The following PPP6R3 variants were observed in gnomAD, a reference collection of about 807,000 sequenced individuals.
PPP6R3 encodes protein phosphatase 6 regulatory subunit 3.
Under a neutral mutation model 110.7 loss-of-function variants are expected in PPP6R3, and 38 were observed. The ratio of observed to expected loss-of-function variants is 0.34; its 90% CI spans 0.26 to 0.45. The LOEUF is 0.45. PPP6R3 is among the 20% of genes least tolerant of loss of function. PPP6R3 has a pLI of 1.00. For synonymous variants in PPP6R3, 369 were observed against 373.5 expected (o/e 0.99, Z 0.14); for missense variants, 870 against 1,062.4 (o/e 0.82, Z 2.52).
intron 2 of PPP6R3, among the ~76,000 whole-genome samples, chr11:68,524,353 C>A (rs931596028): frequency 6.6e-6 from 1 of 152,112 alleles, no homozygotes; most frequent in African/African-American, 2.4e-5. Flanking sequence ...TTCTGCTGTC[C>A]TGGCCATCTC....
chr11:68,580,639 CA>C (rs1392309189), intron 14 of PPP6R3, among the ~76,000 whole-genome samples: 1 of 150,358 alleles, frequency 6.7e-6, no homozygotes, highest in Non-Finnish European at 1.5e-5. Context: ...GAAGATGCCT[CA>C]AAAGGAGTGT....
At chr11:68,571,189 A>G in intron 12 of PPP6R3, 85 bp downstream of exon 12, 1 of 1,473,610 alleles carries the variant, frequency 6.8e-7, no homozygotes, top group Admixed American at 2.8e-5. Flanking sequence ...TCAGAAAAAA[A>G]TGGAAATAAT....
intron 9 of PPP6R3, among the ~76,000 whole-genome samples, chr11:68,565,732 C>T (rs2282563): frequency 0.23 from 34,918 of 151,726 alleles, 4,274 homozygotes; most frequent in Middle Eastern, 0.32. Context: ...TCTGTTACTC[C>T]GAGAACTGAG....
intron 1 of PPP6R3, among the ~76,000 whole-genome samples, chr11:68,478,400 A>G (rs751505663): frequency 1.3e-5 from 2 of 152,176 alleles, no homozygotes; most frequent in South Asian, 2.1e-4. Flanking sequence ...GTAAATCTTC[A>G]TTTCTGTGAA....
intron 16 of PPP6R3, among the ~76,000 whole-genome samples, chr11:68,589,214 T>C (rs2099588184): frequency 6.6e-6 from 1 of 151,936 alleles, no homozygotes; most frequent in Admixed American, 6.6e-5. Flanking sequence ...GTCTCAATAA[T>C]AACAATAACA....
chr11:68,552,352 A>G (rs1565792600), intron 6 of PPP6R3, among the ~76,000 whole-genome samples: 1 of 152,234 alleles, frequency 6.6e-6, no homozygotes, highest in Non-Finnish European at 1.5e-5. Flanking sequence ...TCTCACAGAA[A>G]TACATTTTCT....
chr11:68,566,115 C>T (rs769933149), intron 9 of PPP6R3, among the ~76,000 whole-genome samples: 1 of 152,184 alleles, frequency 6.6e-6, no homozygotes, highest in Non-Finnish European at 1.5e-5. Context: ...TTAGATTGAT[C>T]ACATTTCAGG....
intron 1 of PPP6R3, among the ~76,000 whole-genome samples, chr11:68,480,763 A>T (rs1182434409): frequency 6.6e-6 from 1 of 152,242 alleles, no homozygotes. Context: ...TATTCAAAAT[A>T]TTTTAAAAAT....
At chr11:68,473,792 C>T (rs181535366) in intron 1 of PPP6R3, among the ~76,000 whole-genome samples, 1 of 152,296 alleles carries the variant, frequency 6.6e-6, no homozygotes, top group East Asian at 1.9e-4. Flanking sequence ...AAACACTCTG[C>T]TTTGTTATTT....
chr11:68,609,863 C>G (rs764965657), intron 22 of PPP6R3, 41 bp from the exon 23 acceptor site: 1 of 1,611,956 alleles, frequency 6.2e-7, no homozygotes, highest in African/African-American at 1.3e-5. Flanking sequence ...AGGTGCTGGT[C>G]CCTAGGGTGT....
intron 14 of PPP6R3, among the ~76,000 whole-genome samples, chr11:68,578,597 T>G (rs1285451689): frequency 6.6e-6 from 1 of 152,210 alleles, no homozygotes; most frequent in Non-Finnish European, 1.5e-5. Context: ...ACATGTTATT[T>G]TTCTGTTTAC....
chr11:68,549,882 G>A (rs921857002), intron 5 of PPP6R3, among the ~76,000 whole-genome samples: 1 of 152,184 alleles, frequency 6.6e-6, no homozygotes, highest in South Asian at 2.1e-4. Flanking sequence ...AGTCGGAGAT[G>A]ACTACAGAAG....
chr11:68,524,662 G>C (rs999590292), intron 2 of PPP6R3, among the ~76,000 whole-genome samples: 1 of 151,952 alleles, frequency 6.6e-6, no homozygotes, highest in Non-Finnish European at 1.5e-5. Flanking sequence ...TTCAGTTTTT[G>C]TCTGAAAAGG....
At chr11:68,495,902 T>C (rs12272917) in intron 1 of PPP6R3, among the ~76,000 whole-genome samples, 35,092 of 152,192 alleles carry the variant, frequency 0.23, 4,299 homozygotes, top group Middle Eastern at 0.32. Context: ...TTTGAGAAAC[T>C]GTGAGACTAT....
chr11:68,465,733 C>T (rs556146108), intron 1 of PPP6R3, among the ~76,000 whole-genome samples: 30 of 152,264 alleles, frequency 2.0e-4, no homozygotes, highest in African/African-American at 6.3e-4. Context: ...AAACAAGAGA[C>T]GACAAAGCTG....
At chr11:68,517,581 A>AG (rs1226162470) in intron 1 of PPP6R3, among the ~76,000 whole-genome samples, 3 of 152,204 alleles carry the variant, frequency 2.0e-5, no homozygotes, top group Non-Finnish European at 4.4e-5. Flanking sequence ...AAAGCACACA[A>AG]GAGCATGCAG....
chr11:68,613,951 GGTA>G lies in PPP6R3; in HGVS notation c.*837_*839del. 1.1e-6 allele frequency: 1 copy of G among 935,538 alleles called. No individual in the cohort carries two copies. Among genetic ancestry groups the G allele is most frequent in the South Asian group, 5.1e-5 (1 of 19,746 alleles). 58.0% of individuals were successfully genotyped at this position (935,538 alleles called of 1,614,324 possible). Reference sequence around the variant, plus strand: ...TTTTGTTTGTTTTTTTGTTTCATTTGGTAGTTCATCTGCCTTTTAACCCATTCA... The same window carrying G: ...TTTTGTTTGTTTTTTTGTTTCATTTGGTTCATCTGCCTTTTAACCCATTCA... On this transcript the variant is annotated 3_prime_UTR_variant, in exon 24 of 24. Coordinates refer to ENST00000393800, the MANE Select transcript of PPP6R3 (RefSeq NM_001164161.2).
intron 1 of PPP6R3, among the ~76,000 whole-genome samples, chr11:68,493,555 C>T (rs2098996423): frequency 6.7e-6 from 1 of 149,770 alleles, no homozygotes; most frequent in African/African-American, 2.4e-5. Context: ...GCTACAGCCT[C>T]CCAGTAGCTA....
chr11:68,588,117 A>G lies in PPP6R3; in HGVS notation c.1730+93A>G, dbSNP rs531095697. ...TTCTGCGGGATTCTTAGTCTTGAGC[A>G]TTCGTGAGTGGGAGGAACCTGCTCT... On this transcript the variant is annotated intron_variant, in intron 16 of 23. Transcript: ENST00000393800. 2.5e-5 allele frequency: 28 copies of G among 1,132,278 alleles called. No individual in the cohort carries two copies. The South Asian group carries it at 2.8e-4, about 11-fold the overall frequency. The allele number at this position is 1,132,278 out of a possible 1,614,324, so 70.1% of individuals were successfully genotyped here. A position where few individuals can be genotyped will look rare whatever the true frequency, so the allele number is the denominator to read the frequency against.
Sources: gnomAD v4.1 joint callset for allele counts (sites outside exome capture counted in the v4.1 genomes callset) on GRCh38, gnomAD v4.1.1 for gene constraint, MANE v1.5 for transcripts, NCBI Gene and HGNC (gene_info 2026-07-23, HGNC 2026-07-21) for gene names.